Variants in MAPK10 observed in about 807,000 individuals in gnomAD.
The protein encoded by MAPK10 is JNK3 alpha protein kinase.
MAPK10 carries 25 observed loss-of-function variants against 59.3 expected under a neutral mutation model. The observed-to-expected ratio is 0.42, with a 90% CI of 0.31 to 0.59. The LOEUF is 0.59. Ranked by LOEUF, MAPK10 falls within the 20% of genes least tolerant of loss-of-function variation. MAPK10 has a pLI of 0.15. For missense variants in MAPK10, 351 were observed against 568.9 expected, an observed-to-expected ratio of 0.62 and a Z score of 3.90; for synonymous variants, 190 against 200.5, an observed-to-expected ratio of 0.95 and a Z score of 0.44.
chr4:86,351,271 C>T (rs1050436992), intron 2 of MAPK10, among the ~76,000 whole-genome samples: 29 of 149,866 alleles, frequency 1.9e-4, no homozygotes, highest in East Asian at 9.7e-4. Flanking sequence ...TATATATATA[C>T]ACACACACAC....
intron 2 of MAPK10, among the ~76,000 whole-genome samples, chr4:86,267,699 G>A (rs1042588125): frequency 9.2e-5 from 14 of 152,086 alleles, no homozygotes; most frequent in African/African-American, 2.9e-4. Context: ...CACTCTGACT[G>A]GAACTCTTTC....
At chr4:86,058,289 A>C (rs1237206772) in intron 11 of MAPK10, among the ~76,000 whole-genome samples, 1 of 149,616 alleles carries the variant, frequency 6.7e-6, no homozygotes, top group African/African-American at 2.5e-5. Flanking sequence ...GTGAATAAGG[A>C]AAGAATGACC....
At chr4:86,213,210 G>A (rs1318958416) in intron 2 of MAPK10, among the ~76,000 whole-genome samples, 1 of 152,040 alleles carries the variant, frequency 6.6e-6, no homozygotes, top group Non-Finnish European at 1.5e-5. Flanking sequence ...GCAATGCTAA[G>A]GGAGAAATTT....
At chr4:86,593,866 A>T (rs1418617972) in intron 1 of MAPK10, 1 of 152,296 alleles carries the variant, frequency 6.6e-6, no homozygotes, top group African/African-American at 2.4e-5. Context: ...ATATAGAAAC[A>T]AGGCTGAGAG....
At chr4:86,339,003 C>G (rs1723275518) in intron 2 of MAPK10, among the ~76,000 whole-genome samples, 1 of 152,184 alleles carries the variant, frequency 6.6e-6, no homozygotes, top group East Asian at 1.9e-4. Flanking sequence ...AAAATGCTAA[C>G]TAATTTGCCC....
chr4:86,585,946 C>A (rs1257857239), intron 1 of MAPK10, among the ~76,000 whole-genome samples: 1 of 152,120 alleles, frequency 6.6e-6, no homozygotes, highest in Admixed American at 6.5e-5. Flanking sequence ...CAGCTCACTC[C>A]CATCAGACAA....
intron 4 of MAPK10, among the ~76,000 whole-genome samples, chr4:86,149,008 C>T (rs753573716): frequency 2.0e-5 from 3 of 152,178 alleles, no homozygotes; most frequent in Non-Finnish European, 4.4e-5. Flanking sequence ...CAGTTGGCTT[C>T]AACCTAGTCT....
chr4:86,549,574 G>C (rs1417480731), intron 1 of MAPK10, among the ~76,000 whole-genome samples: 2 of 152,238 alleles, frequency 1.3e-5, no homozygotes, highest in Non-Finnish European at 2.9e-5. Context: ...CAGTGAGTGA[G>C]TGGTGACTAA....
intron 4 of MAPK10, among the ~76,000 whole-genome samples, chr4:86,150,086 A>T (rs918741572): frequency 6.6e-6 from 1 of 152,376 alleles, no homozygotes; most frequent in African/African-American, 2.4e-5. Context: ...GATAAAGAAA[A>T]TGTGGTATAT....
intron 9 of MAPK10, among the ~76,000 whole-genome samples, chr4:86,077,796 G>T (rs539505817): frequency 6.6e-6 from 1 of 152,142 alleles, no homozygotes; most frequent in Non-Finnish European, 1.5e-5. Flanking sequence ...TAGCAATGTC[G>T]TTATAGAATA....
intron 2 of MAPK10, among the ~76,000 whole-genome samples, chr4:86,259,793 C>T (rs2093913495): frequency 1.3e-5 from 2 of 152,162 alleles, no homozygotes; most frequent in South Asian, 4.1e-4. Flanking sequence ...AGCTATCTGC[C>T]ATTATCCAAT....
chr4:86,348,883 G>A (rs188132877), intron 2 of MAPK10, among the ~76,000 whole-genome samples: 6 of 151,984 alleles, frequency 3.9e-5, no homozygotes, highest in South Asian at 2.1e-4. Flanking sequence ...TCTCTTCTCC[G>A]GGCAAAACAC....
At chr4:86,517,793 T>C (rs1376371236) in intron 1 of MAPK10, among the ~76,000 whole-genome samples, 2 of 152,178 alleles carry the variant, frequency 1.3e-5, no homozygotes, top group African/African-American at 4.8e-5. Context: ...TTTTGGTGTA[T>C]TTTGAGGTTT....
chr4:86,124,170 T>C (rs918853793), intron 4 of MAPK10: 5 of 151,988 alleles, frequency 3.3e-5, no homozygotes, highest in African/African-American at 9.7e-5. Flanking sequence ...AGTATTCTTA[T>C]CACAATAAGA....
chr4:86,422,798 A>T (rs995965974), intron 1 of MAPK10, among the ~76,000 whole-genome samples: 1 of 152,214 alleles, frequency 6.6e-6, no homozygotes, highest in African/African-American at 2.4e-5. Flanking sequence ...TGGGAGTGCT[A>T]TCGAAATGAG....
chr4:86,109,667 G>T (rs1371215109), intron 4 of MAPK10, among the ~76,000 whole-genome samples: 1 of 152,110 alleles, frequency 6.6e-6, no homozygotes, highest in Admixed American at 6.5e-5. Context: ...CCATGTCTTT[G>T]CTATCGTGCA....
intron 1 of MAPK10, among the ~76,000 whole-genome samples, chr4:86,529,887 T>C (rs1467874919): frequency 6.6e-6 from 1 of 152,166 alleles, no homozygotes; most frequent in Non-Finnish European, 1.5e-5. Context: ...CACCCTATAA[T>C]GTTTGTCTAT....
chr4:86,481,332 G>A (rs13111352), intron 1 of MAPK10, among the ~76,000 whole-genome samples: 126,112 of 151,792 alleles, frequency 0.83, 52,742 homozygotes, highest in East Asian at 0.88. Context: ...TTGAGTTTAA[G>A]GCACCAATCA....
At chr4:86,287,179 A>T (rs2095047611) in intron 2 of MAPK10, among the ~76,000 whole-genome samples, 1 of 152,198 alleles carries the variant, frequency 6.6e-6, no homozygotes, top group South Asian at 2.1e-4. Flanking sequence ...ATTTTCTACG[A>T]TCATAGACCA....
Sources: gnomAD v4.1 joint callset for allele counts (sites outside exome capture counted in the v4.1 genomes callset) on GRCh38, gnomAD v4.1.1 for gene constraint, MANE v1.5 for transcripts, NCBI Gene and HGNC (gene_info 2026-07-23, HGNC 2026-07-21) for gene names.